Variants in DZIP1L observed in about 807,000 individuals in gnomAD.
DZIP1L encodes the protein cilium assembly protein DZIP1L.
Under a neutral mutation model 88.7 loss-of-function variants are expected in DZIP1L, and 90 were observed. That is an observed-to-expected ratio of 1.02 (90% CI 0.86 to 1.21). DZIP1L has a LOEUF of 1.21. DZIP1L is among the 50% of genes most tolerant of loss of function. The probability of loss-of-function intolerance (pLI) is 0.00; values close to 1 mark genes in which losing one functional copy is unlikely to be tolerated. For synonymous variants in DZIP1L, 363 were observed against 372.1 expected (o/e 0.98, Z 0.28); for missense variants, 932 against 955.8 (o/e 0.98, Z 0.33).
intron 11 of DZIP1L, 111 bp downstream of exon 11, chr3:138,077,388 T>C (rs1943461624): frequency 6.6e-7 from 1 of 1,512,298 alleles, no homozygotes. Flanking sequence ...CTGCCACAAG[T>C]GAGATGAATG....
At chr3:138,095,934 C>T (rs1447449592) in intron 3 of DZIP1L, among the ~76,000 whole-genome samples, 3 of 152,006 alleles carry the variant, frequency 2.0e-5, no homozygotes, top group East Asian at 1.9e-4. Context: ...CACATACTGA[C>T]GATAAAGCAA....
At chr3:138,089,724 G>T (rs1944115076) in intron 5 of DZIP1L, among the ~76,000 whole-genome samples, 1 of 152,092 alleles carries the variant, frequency 6.6e-6, no homozygotes, top group Non-Finnish European at 1.5e-5. Flanking sequence ...ACTGCACTGA[G>T]AATTTGGTAT....
At chr3:138,072,887 T>C (rs1450588651) in intron 11 of DZIP1L, among the ~76,000 whole-genome samples, 4 of 152,152 alleles carry the variant, frequency 2.6e-5, no homozygotes, top group Non-Finnish European at 4.4e-5. Flanking sequence ...CTGAGGCCTG[T>C]GACTGCCAGA....
Position 138,062,881 on chromosome 3 carries a change from T to C in DZIP1L, c.2239A>G (p.Lys747Glu), listed in dbSNP as rs1191943533. ...REKPKPLSRS[K>E]LPEKFGTGPQ... ...CCAGTGCCAAACTTCTCTGGGAGCTTTGAGCGAGACAAGGGCTTGGGTTTC... is the reference window on the plus strand; with the variant it reads ...CCAGTGCCAAACTTCTCTGGGAGCTCTGAGCGAGACAAGGGCTTGGGTTTC... The change falls in exon 16 of 16, where the codon AAG becomes GAG. Residue 747 changes from lysine to glutamate, a missense_variant. Coordinates refer to ENST00000327532, the MANE Select transcript of DZIP1L (RefSeq NM_173543.3). 2 of 1,614,180 alleles carry C rather than the reference T, an allele frequency of 1.2e-6. No homozygotes were observed. The highest frequency in any genetic ancestry group is 2.7e-5 in the African/African-American group (2 of 75,042).
intron 2 of DZIP1L, among the ~76,000 whole-genome samples, 187 bp from the exon 3 acceptor site, chr3:138,098,034 T>C (rs1007242572): frequency 3.5e-4 from 54 of 152,226 alleles, no homozygotes; most frequent in African/African-American, 1.2e-3. Flanking sequence ...AGCTTTAAAA[T>C]ACTACCAGTG....
intron 11 of DZIP1L, among the ~76,000 whole-genome samples, chr3:138,073,056 G>T (rs1029281434): frequency 3.3e-5 from 5 of 152,080 alleles, no homozygotes; most frequent in South Asian, 2.1e-4. Context: ...GTCTATCCCT[G>T]GCCCCACCTG....
intron 1 of DZIP1L, among the ~76,000 whole-genome samples, chr3:138,110,832 A>G (rs1327257938): frequency 6.6e-6 from 1 of 152,256 alleles, no homozygotes; most frequent in Non-Finnish European, 1.5e-5. Flanking sequence ...GAAGAAACAG[A>G]GTGTGATCAA....
At chr3:138,069,256 TTTC>T in intron 12 of DZIP1L, 2 of 518,978 alleles carry the variant, frequency 3.9e-6, no homozygotes, top group Non-Finnish European at 7.0e-6. Context: ...TCCTTGTGAT[TTTC>T]TTAATAACAT....
In DZIP1L at chr3:138,077,606, G is replaced by A; in HGVS notation, c.1315C>T (p.His439Tyr). 6.2e-7 allele frequency: 1 copy of A among 1,614,166 alleles called. No individual in the cohort carries two copies. The highest frequency in any genetic ancestry group is 1.6e-4 in the Middle Eastern group (1 of 6,062). ...CGCCTCAGAGCTGCCAGCACCTTGTGCTGTTCATCCTGGGAGTCCTCCATC... is the reference window on the plus strand; with the variant it reads ...CGCCTCAGAGCTGCCAGCACCTTGTACTGTTCATCCTGGGAGTCCTCCATC... ...EEMEDSQDEQ[H>Y]KVLAALRRNP... The change falls in exon 11 of 16, where the codon CAC (histidine) becomes TAC (tyrosine). Residue 439 changes from histidine (H) to tyrosine (Y), a missense_variant. Coordinates refer to ENST00000327532, the MANE Select transcript of DZIP1L (RefSeq NM_173543.3).
At chr3:138,104,153 T>C in intron 1 of DZIP1L, 101 bp from the exon 2 acceptor site, 1 of 1,117,670 alleles carries the variant, frequency 8.9e-7, no homozygotes, top group East Asian at 2.6e-5. Context: ...GTGAGGTGTC[T>C]GTGCAGCAGC....
chr3:138,077,636 T>C lies in DZIP1L; in HGVS notation c.1289-4A>G. On this transcript the variant is annotated splice_polypyrimidine_tract_variant and splice_region_variant and intron_variant, in intron 10 of 15. Transcript: ENST00000327532. Reference sequence around the variant, plus strand: ...TCATCCTGGGAGTCCTCCATCTCTGTAGCATGAGACATTCACCCAGATCAG... The same window carrying C: ...TCATCCTGGGAGTCCTCCATCTCTGCAGCATGAGACATTCACCCAGATCAG... The C allele has an allele frequency of 6.2e-7, 1 of 1,613,990 alleles. No individual in the cohort carries two copies.
chr3:138,112,804 G>A (rs1205417238), intron 1 of DZIP1L, among the ~76,000 whole-genome samples: 1 of 152,080 alleles, frequency 6.6e-6, no homozygotes, highest in Non-Finnish European at 1.5e-5. Context: ...AAAATTAGCT[G>A]GGCGTGGTGG....
chr3:138,103,609 C>T lies in DZIP1L; in HGVS notation c.363G>A (p.Gln121=). The change falls in exon 2 of 16, where the codon CAG becomes CAA. Residue 121 remains glutamine, a synonymous_variant. Coordinates refer to ENST00000327532, the MANE Select transcript of DZIP1L (RefSeq NM_173543.3). The part of the protein sequence containing the change: ...LEARLQTSLG[Q]QQRGQQELGR... ...CCAGCTCCTGCTGACCACGCTGCTG[C>T]TGGCCCAGGCTGGTCTGCAGCCGTG... 1 of 1,606,256 alleles carries T rather than the reference C, an allele frequency of 6.2e-7. No individual in the cohort carries two copies.
At chr3:138,104,717 A>T (rs2042427968) in intron 1 of DZIP1L, among the ~76,000 whole-genome samples, 2 of 152,212 alleles carry the variant, frequency 1.3e-5, no homozygotes, top group South Asian at 4.1e-4. Context: ...TAAGAGAGTT[A>T]CGGAGTCTCT....
chr3:138,076,190 T>C (rs1255168114), intron 11 of DZIP1L, among the ~76,000 whole-genome samples: 1 of 151,848 alleles, frequency 6.6e-6, no homozygotes, highest in Non-Finnish European at 1.5e-5. Context: ...ACCAGGAAAA[T>C]GCAAATCAAA....
chr3:138,073,843 T>C (rs572064468), intron 11 of DZIP1L, among the ~76,000 whole-genome samples: 96 of 152,268 alleles, frequency 6.3e-4, no homozygotes, highest in African/African-American at 2.3e-3. Flanking sequence ...GAAAATTTTT[T>C]AGTGAAATAG....
chr3:138,084,812 T>C (rs1943846616), intron 7 of DZIP1L, among the ~76,000 whole-genome samples: 1 of 152,238 alleles, frequency 6.6e-6, no homozygotes, highest in Non-Finnish European at 1.5e-5. Flanking sequence ...TATTTCCCAT[T>C]TGAAAATGCT....
chr3:138,080,469 G>C, intron 10 of DZIP1L, 98 bp downstream of exon 10: 2 of 1,341,190 alleles, frequency 1.5e-6, no homozygotes, highest in South Asian at 2.5e-5. Flanking sequence ...TCCAGCTTCG[G>C]ATGTCCAGAT....
chr3:138,078,825 G>T lies in DZIP1L; in HGVS notation c.1289-1193C>A, dbSNP rs181575361. Among the ~76,000 whole-genome samples the T allele has an allele frequency of 3.2e-3, 486 of 152,312 alleles. 2 individuals are homozygous for T. Among genetic ancestry groups the T allele is most frequent in the South Asian group, 0.016 (76 of 4,828 alleles). ...ACCTGCGGAGCTTTAAATGCTACTG[G>T]TGCCTGGAACCCACCCACTCCATGT... On this transcript the variant is annotated intron_variant, in intron 10 of 15. Transcript: ENST00000327532.
Sources: gnomAD v4.1 joint callset for allele counts (sites outside exome capture counted in the v4.1 genomes callset) on GRCh38, gnomAD v4.1.1 for gene constraint, MANE v1.5 for transcripts, NCBI Gene and HGNC (gene_info 2026-07-23, HGNC 2026-07-21) for gene names.